Variants in TAF4B observed in about 807,000 individuals in gnomAD.
TAF4B encodes TATA-box binding protein associated factor 4b, also known as transcription initiation factor TFIID subunit 4B.
Under a neutral mutation model 86.4 loss-of-function variants are expected in TAF4B, and 38 were observed. The observed-to-expected ratio is 0.44, with a 90% CI of 0.34 to 0.58. TAF4B has a LOEUF of 0.58. Ranked by LOEUF, TAF4B falls within the 20% of genes least tolerant of loss-of-function variation. The pLI is 0.02. For missense variants in TAF4B, 988 were observed against 1,027.6 expected (o/e 0.96, Z 0.53); for synonymous variants, 388 against 391.2 (o/e 0.99, Z 0.10).
intron 1 of TAF4B, among the ~76,000 whole-genome samples, chr18:26,258,440 T>G (rs970041680): frequency 6.6e-6 from 1 of 152,184 alleles, no homozygotes; most frequent in African/African-American, 2.4e-5. Context: ...TTGTAAAAAT[T>G]TTACATTCCT....
Position 26,309,245 on chromosome 18 carries a change from A to ATTTTTTTTTTTTT in TAF4B, c.1833-5961_1833-5949dup, listed in dbSNP as rs59457633. The stretch of plus-strand genomic sequence containing the variant: ...CACTTTAGGGAAAAAACCTGACAGT[A>ATTTTTTTTTTTTT]TTTTTTTTTTTTTTTTTTTTTTTTT... On this transcript the variant is annotated intron_variant, in intron 9 of 14. Coordinates refer to ENST00000269142, the MANE Select transcript of TAF4B (RefSeq NM_005640.3). Among the ~76,000 whole-genome samples the ATTTTTTTTTTTTT allele has an allele frequency of 7.1e-5, 6 of 84,590 alleles. 1 individual carries two copies. Among genetic ancestry groups the ATTTTTTTTTTTTT allele is most frequent in the African/African-American group, 1.9e-4 (5 of 26,002 alleles). The allele number at this position is 84,590 out of a possible 152,430, so 55.5% of individuals were successfully genotyped here.
chr18:26,377,312 T>C (rs1166655236), intron 14 of TAF4B, among the ~76,000 whole-genome samples: 4 of 152,196 alleles, frequency 2.6e-5, no homozygotes, highest in Non-Finnish European at 5.9e-5. Context: ...CCCTGTGCTC[T>C]TTGGGAAAAC....
At chr18:26,377,477 T>G (rs2057450247) in intron 14 of TAF4B, among the ~76,000 whole-genome samples, 1 of 152,242 alleles carries the variant, frequency 6.6e-6, no homozygotes, top group African/African-American at 2.4e-5. Context: ...GAGTAGATGC[T>G]AGAAGCCTAG....
chr18:26,250,721 A>G (rs1171844734), intron 1 of TAF4B, among the ~76,000 whole-genome samples: 2 of 152,188 alleles, frequency 1.3e-5, no homozygotes. Flanking sequence ...TTGTCTAACA[A>G]ACTTATTTTT....
chr18:26,306,667 T>C (rs900597150), intron 9 of TAF4B, among the ~76,000 whole-genome samples: 2 of 152,218 alleles, frequency 1.3e-5, no homozygotes, highest in African/African-American at 4.8e-5. Context: ...CAGTACTTTC[T>C]AGTAATTCAC....
chr18:26,336,011 G>T (rs1024326948), intron 13 of TAF4B, among the ~76,000 whole-genome samples: 4 of 152,084 alleles, frequency 2.6e-5, no homozygotes, highest in Non-Finnish European at 5.9e-5. Flanking sequence ...AGTACCTAAG[G>T]TTGAAGGTGC....
At chr18:26,238,224 G>A (rs987457688) in intron 1 of TAF4B, among the ~76,000 whole-genome samples, 5 of 152,160 alleles carry the variant, frequency 3.3e-5, no homozygotes, top group African/African-American at 9.7e-5. Context: ...ATTTTCTCCT[G>A]TTGGTATTGG....
intron 1 of TAF4B, chr18:26,256,393 G>T: frequency 8.3e-7 from 1 of 1,203,474 alleles, no homozygotes; most frequent in Non-Finnish European, 1.2e-6. Flanking sequence ...AAAAGCAGCC[G>T]TTCCACGCGC....
At chr18:26,232,154 AAGAC>A (rs767866409) in intron 1 of TAF4B, among the ~76,000 whole-genome samples, 1 of 152,130 alleles carries the variant, frequency 6.6e-6, no homozygotes, top group Non-Finnish European at 1.5e-5. Context: ...ATCCTCTCGT[AAGAC>A]AGAAAAGTTC....
chr18:26,281,473 A>G (rs1185541037), intron 5 of TAF4B, among the ~76,000 whole-genome samples: 5 of 152,190 alleles, frequency 3.3e-5, no homozygotes, highest in Admixed American at 2.6e-4. Context: ...CATCTTACAC[A>G]TTATCACTGG....
Position 26,391,074 on chromosome 18 carries a change from C to T in TAF4B, c.*1062C>T, listed in dbSNP as rs1311198102. The T allele has an allele frequency of 6.6e-6, 1 of 151,974 alleles. No homozygotes were observed. Among genetic ancestry groups the T allele is most frequent in the Non-Finnish European group, 1.5e-5 (1 of 67,988 alleles). 9.4% of individuals were successfully genotyped at this position (151,974 alleles called of 1,614,324 possible). A position where few individuals can be genotyped will look rare whatever the true frequency, so the allele number is the denominator to read the frequency against. ...CTAATTGATGATGAGAAATTTTTAA[C>T]AATAGGACTTTATGTTGGATTCTGT... is the stretch of plus-strand genomic sequence containing the variant. On this transcript the variant is annotated 3_prime_UTR_variant, in exon 15 of 15. Coordinates refer to ENST00000269142, the MANE Select transcript of TAF4B (RefSeq NM_005640.3).
intron 14 of TAF4B, among the ~76,000 whole-genome samples, chr18:26,372,977 TAAC>T (rs1311286928): frequency 2.2e-5 from 3 of 135,100 alleles, no homozygotes; most frequent in Non-Finnish European, 3.3e-5. Flanking sequence ...AAAAAAAAAG[TAAC>T]AACACCTCTT....
At chr18:26,286,551 A>AT in intron 7 of TAF4B, 52 bp downstream of exon 7, 4 of 1,538,736 alleles carry the variant, frequency 2.6e-6, no homozygotes, top group Non-Finnish European at 3.5e-6. Context: ...AATTTTGAAC[A>AT]TTCAGAAAAC....
intron 10 of TAF4B, among the ~76,000 whole-genome samples, chr18:26,320,513 A>G (rs191796420): frequency 1.1e-3 from 175 of 152,328 alleles, no homozygotes; most frequent in African/African-American, 3.9e-3. Flanking sequence ...TTTTGAACCC[A>G]TTTGAACTTG....
intron 14 of TAF4B, among the ~76,000 whole-genome samples, chr18:26,363,223 CTTG>C (rs1023801613): frequency 1.3e-5 from 2 of 151,678 alleles, no homozygotes; most frequent in African/African-American, 2.4e-5. Flanking sequence ...CACTAGTTTC[CTTG>C]TTGTTGATTT....
rs764376301 is a variant in TAF4B, at chr18:26,292,302, C to T, written c.1647C>T (p.Ser549=). 6.2e-7 allele frequency: 1 copy of T among 1,614,132 alleles called. No individual in the cohort carries two copies. The highest frequency in any genetic ancestry group is 1.1e-5 in the South Asian group (1 of 91,076). ...AACAAGTGACCACAATTTCACATTCCTCAACATTGACCATTCAGAAATGTG... is the reference window on the plus strand; with the variant it reads ...AACAAGTGACCACAATTTCACATTCTTCAACATTGACCATTCAGAAATGTG... The part of the protein sequence containing the change: ...NEKQVTTISH[S]STLTIQKCGQ... Residue 549 remains serine, a synonymous_variant, in exon 8 of 15, where the codon TCC becomes TCT. Transcript: ENST00000269142.
intron 12 of TAF4B, among the ~76,000 whole-genome samples, chr18:26,331,465 C>CTGGTA (rs371627866): frequency 6.6e-6 from 1 of 152,038 alleles, no homozygotes; most frequent in African/African-American, 2.4e-5. Context: ...GGACTCATAC[C>CTGGTA]ATTAACTCCC....
intron 9 of TAF4B, among the ~76,000 whole-genome samples, chr18:26,310,575 C>T (rs79660752): frequency 0.076 from 11,518 of 152,118 alleles, 542 homozygotes; most frequent in Non-Finnish European, 0.1. Flanking sequence ...TGAAGGCAAA[C>T]TAATTTTATT....
intron 14 of TAF4B, among the ~76,000 whole-genome samples, chr18:26,364,177 A>G (rs781442849): frequency 1.3e-5 from 2 of 152,184 alleles, no homozygotes; most frequent in African/African-American, 2.4e-5. Context: ...GTAAAATTGA[A>G]TAGCATCAGC....
Sources: allele counts gnomAD v4.1 joint callset (sites outside exome capture counted in the v4.1 genomes callset), GRCh38; gene constraint gnomAD v4.1.1; transcripts MANE v1.5; gene names NCBI Gene and HGNC (gene_info 2026-07-23, HGNC 2026-07-21).